Variants in ZWILCH observed in about 807,000 individuals in gnomAD.
ZWILCH encodes protein zwilch homolog.
Under a neutral mutation model 79.9 loss-of-function variants are expected in ZWILCH, and 74 were observed. That is an observed-to-expected ratio of 0.93 (90% CI 0.77 to 1.12). The LOEUF is 1.12. ZWILCH is among the 50% of genes most tolerant of loss of function. The probability of loss-of-function intolerance (pLI) is 0.00; values close to 1 mark genes in which losing one functional copy is unlikely to be tolerated. For synonymous variants in ZWILCH, 241 were observed against 228.2 expected (o/e 1.06, Z -0.51); for missense variants, 694 against 687.5 (o/e 1.01, Z -0.11).
intron 14 of ZWILCH, among the ~76,000 whole-genome samples, chr15:66,535,132 C>T (rs1251621134): frequency 1.3e-5 from 2 of 152,016 alleles, no homozygotes; most frequent in African/African-American, 2.4e-5. Context: ...GTATCACTGT[C>T]TTCCGCCTCC....
At chr15:66,534,824 A>T (rs12593413) in intron 14 of ZWILCH, among the ~76,000 whole-genome samples, 40,258 of 151,990 alleles carry the variant, frequency 0.26, 5,419 homozygotes, top group East Asian at 0.37. Flanking sequence ...GACTATAAAC[A>T]CTGTATACTT....
chr15:66,510,521 C>G (rs1894020173), intron 2 of ZWILCH, among the ~76,000 whole-genome samples: 1 of 152,134 alleles, frequency 6.6e-6, no homozygotes, highest in African/African-American at 2.4e-5. Context: ...TAGCCAAACT[C>G]AAGAATCAGA....
At chr15:66,533,071 C>G in intron 14 of ZWILCH, 58 bp downstream of exon 14, 1 of 1,209,526 alleles carries the variant, frequency 8.3e-7, no homozygotes, top group Non-Finnish European at 1.2e-6. Flanking sequence ...ATTCTGTGTG[C>G]AGTTATTAAC....
chr15:66,517,455 T>TATATATATATATATATACAG, intron 4 of ZWILCH, among the ~76,000 whole-genome samples: 1 of 115,216 alleles, frequency 8.7e-6, no homozygotes, highest in Admixed American at 9.8e-5. Flanking sequence ...TATATATATA[T>TATATATATATATATATACAG]AGTAATGTAC....
At chr15:66,517,117 T>G (rs180842489) in intron 4 of ZWILCH, among the ~76,000 whole-genome samples, 26 of 152,226 alleles carry the variant, frequency 1.7e-4, no homozygotes, top group Admixed American at 1.7e-3. Flanking sequence ...TTGGTGACTT[T>G]CAATTTTGAT....
Position 66,546,597 on chromosome 15 carries a change from C to G in ZWILCH, c.1694C>G (p.Ser565Trp). 2 of 1,600,900 alleles carry G rather than the reference C, an allele frequency of 1.2e-6. No individual in the cohort carries two copies. Among genetic ancestry groups the G allele is most frequent in the Non-Finnish European group, 1.7e-6 (2 of 1,173,966 alleles). ...DHLNFHKPDFSELTLNGSLEE... is the reference protein window; with the variant it reads ...DHLNFHKPDFWELTLNGSLEE... ...ACTCTCTTTTTGATTACAGATTTTT[C>G]GGAATTAACACTAAACGGTAGCCTG... The change falls in exon 18 of 19, where the codon TCG (serine) becomes TGG (tryptophan). Residue 565 changes from serine (S) to tryptophan (W), a missense_variant. Physicochemically the swap from Ser to Trp is radical, Grantham distance 177. Coordinates refer to ENST00000307897, the MANE Select transcript of ZWILCH (RefSeq NM_017975.5).
chr15:66,525,332 G>A (rs2140775733), intron 8 of ZWILCH, among the ~76,000 whole-genome samples: 1 of 152,278 alleles, frequency 6.6e-6, no homozygotes, highest in East Asian at 1.9e-4. Context: ...TCATTTAAAT[G>A]TGTGTTTGTC....
intron 7 of ZWILCH, 186 bp from the exon 8 acceptor site, chr15:66,523,491 G>A: frequency 1.9e-6 from 1 of 516,212 alleles, no homozygotes; most frequent in East Asian, 2.8e-5. Flanking sequence ...AGATTATTGG[G>A]TCAAGATGGC....
rs376922445 is a variant in ZWILCH, at chr15:66,546,682, T to G, written c.*3T>G. The G allele has an allele frequency of 8.1e-6, 13 of 1,599,888 alleles. No homozygotes were observed. Among genetic ancestry groups the G allele is most frequent in the Non-Finnish European group, 9.4e-6 (11 of 1,172,878 alleles). The stretch of plus-strand genomic sequence containing the variant: ...GCAGCCAGGTGCATTTCAAGTGAAG[T>G]GTGCTGATGAAGTCCTCTATAAGGT... On this transcript the variant is annotated 3_prime_UTR_variant, in exon 18 of 19. Coordinates refer to ENST00000307897, the MANE Select transcript of ZWILCH (RefSeq NM_017975.5).
intron 8 of ZWILCH, among the ~76,000 whole-genome samples, chr15:66,525,248 C>G (rs12911730): frequency 0.14 from 21,924 of 152,128 alleles, 2,631 homozygotes; most frequent in African/African-American, 0.33. Flanking sequence ...TGTGTGCCAC[C>G]CATGGTGCTG....
Position 66,535,049 on chromosome 15 carries a change from T to G in ZWILCH, c.1342-884T>G, listed in dbSNP as rs192050830. Among the ~76,000 whole-genome samples, 401 of 152,306 alleles carry G rather than the reference T, an allele frequency of 2.6e-3. 1 individual carries two copies. Among genetic ancestry groups the G allele is most frequent in the African/African-American group, 7.4e-3 (306 of 41,566 alleles). On this transcript the variant is annotated intron_variant, in intron 14 of 18. Coordinates refer to ENST00000307897, the MANE Select transcript of ZWILCH (RefSeq NM_017975.5). ...GCTTTTTTCTATTTTTAACTTTTTT[T>G]TTTGTTTGTTTTAAATTTGTTTGTT...
chr15:66,545,596 T>A (rs1302474802), intron 17 of ZWILCH, among the ~76,000 whole-genome samples: 1 of 152,206 alleles, frequency 6.6e-6, no homozygotes, highest in African/African-American at 2.4e-5. Flanking sequence ...GGAATTCTTA[T>A]AAAATCATAT....
rs951337817 is a variant in ZWILCH, at chr15:66,519,132, T to C, written c.520+54T>C. The C allele has an allele frequency of 4.5e-6, 7 of 1,556,954 alleles. No homozygotes were observed. The East Asian group carries it at 1.1e-4, about 25-fold the overall frequency. ...GTGTATTTATTCATTTGTATAGTTATTGTTTCATGTTTTTTTACGAAAATT... is the reference window on the plus strand; with the variant it reads ...GTGTATTTATTCATTTGTATAGTTACTGTTTCATGTTTTTTTACGAAAATT... On this transcript the variant is annotated intron_variant, in intron 5 of 18. Coordinates refer to ENST00000307897, the MANE Select transcript of ZWILCH (RefSeq NM_017975.5).
Position 66,533,009 on chromosome 15 carries a change from A to C in ZWILCH, c.1337A>C (p.His446Pro), listed in dbSNP as rs747159932. 6 of 1,579,094 alleles carry C rather than the reference A, an allele frequency of 3.8e-6. No homozygotes were observed. The South Asian group carries it at 7.1e-5, about 19-fold the overall frequency. The change falls in exon 14 of 19, where the codon CAT (histidine) becomes CCT (proline). Residue 446 changes from histidine to proline, a missense_variant. Physicochemically the swap from His to Pro is moderately conservative, Grantham distance 77. Coordinates refer to ENST00000307897, the MANE Select transcript of ZWILCH (RefSeq NM_017975.5). ...FIGQELASLN[H>P]LEYFIAPSVD... ...GGTCAGGAACTTGCATCTTTGAATC[A>C]TTTGGTGAGTTTATTTTTTTATTCT...
Position 66,532,408 on chromosome 15 carries a change from G to A in ZWILCH, c.1312+5G>A. 6.3e-7 allele frequency: 1 copy of A among 1,593,982 alleles called. No homozygotes were observed. The highest frequency in any genetic ancestry group is 8.5e-7 in the Non-Finnish European group (1 of 1,173,376). ...ATTATATCAGTTTTTTCATAGGTAA[G>A]TATCTTTCCTGGCTCAAAAAATTAA... On this transcript the variant is annotated splice_donor_5th_base_variant and intron_variant, in intron 13 of 18. Transcript: ENST00000307897.
intron 17 of ZWILCH, among the ~76,000 whole-genome samples, chr15:66,544,327 G>T (rs1474043561): frequency 1.3e-5 from 2 of 151,938 alleles, no homozygotes; most frequent in Non-Finnish European, 2.9e-5. Flanking sequence ...TGGTTAAAAA[G>T]AAAATGTTAT....
intron 2 of ZWILCH, among the ~76,000 whole-genome samples, chr15:66,509,822 CAT>C (rs201725734): frequency 0.016 from 1,447 of 88,818 alleles, 69 homozygotes; most frequent in African/African-American, 0.044. Context: ...TGTGTGGCTA[CAT>C]ATATATATAT....
chr15:66,515,705 T>A (rs1470361778), intron 4 of ZWILCH, 61 bp downstream of exon 4: 1 of 1,216,986 alleles, frequency 8.2e-7, no homozygotes, highest in African/African-American at 1.5e-5. Flanking sequence ...AACATTCTTA[T>A]AAACGTTGGG....
At chr15:66,508,947 AT>A in intron 2 of ZWILCH, 55 bp downstream of exon 2, 2 of 1,584,436 alleles carry the variant, frequency 1.3e-6, no homozygotes, top group Non-Finnish European at 1.7e-6. Flanking sequence ...GTCTGTTTTT[AT>A]TTTTATTTTG....
Sources: gnomAD v4.1 joint callset for allele counts (sites outside exome capture counted in the v4.1 genomes callset) on GRCh38, gnomAD v4.1.1 for gene constraint, MANE v1.5 for transcripts, NCBI Gene and HGNC (gene_info 2026-07-23, HGNC 2026-07-21) for gene names.